TBC1D5: variants seen among roughly 807,000 people sequenced by gnomAD.
The protein encoded by TBC1D5 is TBC1 domain family member 5, also known as TBC1 domain family, member 5.
In TBC1D5, 75 loss-of-function variants were observed where a neutral mutation model predicts 100.3. The ratio of observed to expected loss-of-function variants is 0.75; its 90% confidence interval spans 0.62 to 0.91. The LOEUF (loss-of-function observed/expected upper bound fraction) is 0.91, where lower values mean the gene tolerates loss of function less well. TBC1D5 is among the 40% of genes least tolerant of loss of function. TBC1D5 has a pLI of 0.00. For synonymous variants in TBC1D5, 323 were observed against 325.6 expected, an observed-to-expected ratio of 0.99 and a Z score of 0.09; for missense variants, 910 against 942.4, an observed-to-expected ratio of 0.97 and a Z score of 0.45.
chr3:17,170,359 C>T (rs1249914975), intron 19 of TBC1D5, among the ~76,000 whole-genome samples: 1 of 152,100 alleles, frequency 6.6e-6, no homozygotes, highest in Non-Finnish European at 1.5e-5. Context: ...AGCATCAGGA[C>T]ATTTGGAGGA....
intron 8 of TBC1D5, among the ~76,000 whole-genome samples, chr3:17,401,774 G>A (rs1405636004): frequency 1.3e-5 from 2 of 152,024 alleles, no homozygotes; most frequent in Non-Finnish European, 2.9e-5. Flanking sequence ...TTTTAAAAAG[G>A]GATGCCTTTA....
intron 8 of TBC1D5, among the ~76,000 whole-genome samples, chr3:17,390,225 C>T (rs917790512): frequency 1.3e-5 from 2 of 152,048 alleles, no homozygotes; most frequent in Non-Finnish European, 2.9e-5. Flanking sequence ...TAAACACCAA[C>T]TTTGGAGCCC....
At chr3:17,221,408 T>TG (rs2074269926) in intron 17 of TBC1D5, among the ~76,000 whole-genome samples, 1 of 152,158 alleles carries the variant, frequency 6.6e-6, no homozygotes, top group Non-Finnish European at 1.5e-5. Context: ...TAGCATTAGA[T>TG]ATATCTCCTA....
In TBC1D5 at chr3:17,428,501, C is replaced by T. The variant is rs202016853; in HGVS notation, c.116G>A (p.Gly39Glu). 8.4e-5 allele frequency: 126 copies of T among 1,508,606 alleles called. 1 individual carries two copies. The South Asian group carries it at 1.6e-3, about 19-fold the overall frequency. 93.5% of individuals were successfully genotyped at this position (1,508,606 alleles called of 1,614,324 possible). The change falls in exon 4 of 22, where the codon GGA (glycine) becomes GAA (glutamate). Residue 39 changes from glycine (G) to glutamate (E), a missense_variant. Transcript: ENST00000253692. ...GTCTAAAGTAGAACTTGTTCTTCTT[C>T]CATTTTTATTTGAATCTCCTGGAGA...
chr3:17,351,383 G>A (rs910122956), intron 13 of TBC1D5, among the ~76,000 whole-genome samples: 21 of 152,098 alleles, frequency 1.4e-4, no homozygotes, highest in Admixed American at 6.6e-4. Flanking sequence ...TATACACCAC[G>A]GAATACTATG....
chr3:17,660,820 T>C (rs1425243862), intron 1 of TBC1D5, among the ~76,000 whole-genome samples: 2 of 152,204 alleles, frequency 1.3e-5, no homozygotes, highest in Non-Finnish European at 1.5e-5. Context: ...GTTTCTGTTA[T>C]TAAAAGGCAG....
In TBC1D5 at chr3:17,333,567, A is replaced by C. The variant is rs565821678; in HGVS notation, c.996-25433T>G. On this transcript the variant is annotated intron_variant, in intron 13 of 21. Coordinates refer to ENST00000253692, the Ensembl canonical transcript of TBC1D5. ...GCAGGAACAAATTCTTTTGAGTAGGAAATAGCAAGATCCAATGCTTAAGCA... is the reference window on the plus strand; with the variant it reads ...GCAGGAACAAATTCTTTTGAGTAGGCAATAGCAAGATCCAATGCTTAAGCA... The C allele has an allele frequency of 2.6e-5, 4 of 152,322 alleles. No individual in the cohort carries two copies. In the East Asian group the frequency reaches 7.7e-4, roughly 29 times the overall value. The allele number at this position is 152,322 out of a possible 1,614,324, so 9.4% of individuals were successfully genotyped here.
At chr3:17,663,947 CA>C (rs1476878659) in intron 1 of TBC1D5, among the ~76,000 whole-genome samples, 1 of 152,154 alleles carries the variant, frequency 6.6e-6, no homozygotes. Context: ...TCCCATTTTT[CA>C]TATAAAAAAC....
rs1283105305 is a variant in TBC1D5, at chr3:17,318,284, G to A, written c.996-10150C>T. ...GGAGATATACCTAATACTAAATGACGAGTTAATGGGTGCAGCACACCAACA... is the reference window on the plus strand; with the variant it reads ...GGAGATATACCTAATACTAAATGACAAGTTAATGGGTGCAGCACACCAACA... On this transcript the variant is annotated intron_variant, in intron 13 of 21. Transcript: ENST00000253692. Among the ~76,000 whole-genome samples the A allele has an allele frequency of 5.9e-5, 9 of 151,302 alleles. No homozygotes were observed. The East Asian group carries it at 1.6e-3, about 26-fold the overall frequency.
At chr3:17,377,645 G>A (rs2092762981) in intron 9 of TBC1D5, among the ~76,000 whole-genome samples, 1 of 151,906 alleles carries the variant, frequency 6.6e-6, no homozygotes. Flanking sequence ...AATTAGAGAA[G>A]ACTTCCTATA....
intron 13 of TBC1D5, among the ~76,000 whole-genome samples, chr3:17,363,894 A>C (rs987012856): frequency 6.6e-6 from 1 of 151,910 alleles, no homozygotes; most frequent in Non-Finnish European, 1.5e-5. Context: ...TTATTTCTTT[A>C]TGTATGTTAA....
intron 1 of TBC1D5, among the ~76,000 whole-genome samples, chr3:17,683,973 G>A (rs1210723984): frequency 2.6e-5 from 4 of 152,090 alleles, no homozygotes; most frequent in African/African-American, 9.7e-5. Flanking sequence ...ACATATCTGT[G>A]TATCTTCCAA....
chr3:17,469,779 G>A (rs2095351565), intron 3 of TBC1D5, among the ~76,000 whole-genome samples: 1 of 152,182 alleles, frequency 6.6e-6, no homozygotes, highest in African/African-American at 2.4e-5. Context: ...GATGTATTTT[G>A]CTGAAGGAAG....
chr3:17,530,799 A>C (rs2096211364), intron 2 of TBC1D5, among the ~76,000 whole-genome samples: 1 of 151,986 alleles, frequency 6.6e-6, no homozygotes, highest in African/African-American at 2.4e-5. Context: ...CATGCTAAAA[A>C]CTCCCAATAA....
At chr3:17,614,605 C>T (rs150419107) in intron 2 of TBC1D5, among the ~76,000 whole-genome samples, 243 of 152,248 alleles carry the variant, frequency 1.6e-3, no homozygotes, top group Non-Finnish European at 2.8e-3. Flanking sequence ...TCCTTCACAT[C>T]CCTTGTAAGT....
At chr3:17,350,384 A>C (rs976603438) in intron 13 of TBC1D5, among the ~76,000 whole-genome samples, 41 of 152,348 alleles carry the variant, frequency 2.7e-4, no homozygotes, top group African/African-American at 8.4e-4. Flanking sequence ...AATCCCAAAC[A>C]GCAGTCACCT....
chr3:17,510,611 C>T (rs757526230), intron 2 of TBC1D5, among the ~76,000 whole-genome samples: 58 of 151,940 alleles, frequency 3.8e-4, no homozygotes, highest in African/African-American at 6.0e-4. Context: ...TGTAGATGAT[C>T]GGTTATAGTA....
At chr3:17,181,258 G>A (rs2068425353) in intron 19 of TBC1D5, among the ~76,000 whole-genome samples, 1 of 152,192 alleles carries the variant, frequency 6.6e-6, no homozygotes, top group South Asian at 2.1e-4. Context: ...TTGGGTACTG[G>A]GAAATGTGGT....
intron 12 of TBC1D5, among the ~76,000 whole-genome samples, 153 bp downstream of exon 12, chr3:17,374,318 T>C (rs930193978): frequency 1.3e-5 from 2 of 152,132 alleles, no homozygotes; most frequent in Non-Finnish European, 2.9e-5. Flanking sequence ...GAAATATACT[T>C]AGATCCCCAG....
Sources: allele counts gnomAD v4.1 joint callset (sites outside exome capture counted in the v4.1 genomes callset), GRCh38; gene constraint gnomAD v4.1.1; transcripts MANE v1.5; gene names NCBI Gene and HGNC (gene_info 2026-07-23, HGNC 2026-07-21).